Variants in KDM4C observed in about 807,000 individuals in gnomAD.
KDM4C encodes lysine demethylase 4C.
KDM4C carries 81 observed loss-of-function variants against 129.3 expected under a neutral mutation model. The ratio of observed to expected loss-of-function variants is 0.63; its 90% CI spans 0.52 to 0.75. The LOEUF (loss-of-function observed/expected upper bound fraction) is 0.75. KDM4C is among the 30% of genes least tolerant of loss of function. The probability of loss-of-function intolerance (pLI) is 0.00; values close to 1 mark genes in which losing one functional copy is unlikely to be tolerated. For synonymous variants in KDM4C, 573 were observed against 456.1 expected, an observed-to-expected ratio of 1.26 and a Z score of -3.26; for missense variants, 1,457 against 1,304.0, an observed-to-expected ratio of 1.12 and a Z score of -1.81.
chr9:7,111,006 A>G (rs886910169), intron 18 of KDM4C, among the ~76,000 whole-genome samples: 10 of 152,322 alleles, frequency 6.6e-5, no homozygotes, highest in African/African-American at 2.4e-4. Flanking sequence ...TGTAGGGACC[A>G]TGAAGCATCC....
At chr9:7,032,278 AC>A (rs1382290156) in intron 15 of KDM4C, among the ~76,000 whole-genome samples, 2 of 152,252 alleles carry the variant, frequency 1.3e-5, no homozygotes, top group Non-Finnish European at 1.5e-5. Flanking sequence ...TGTCCTGTCT[AC>A]AGCAAGAGTT....
At chr9:6,896,993 T>G (rs1221502941) in intron 8 of KDM4C, among the ~76,000 whole-genome samples, 9 of 152,230 alleles carry the variant, frequency 5.9e-5, no homozygotes, top group Non-Finnish European at 1.3e-4. Flanking sequence ...AAGATTTGGG[T>G]ACATTTGATT....
At chr9:6,953,033 T>C (rs989228400) in intron 8 of KDM4C, among the ~76,000 whole-genome samples, 4 of 152,240 alleles carry the variant, frequency 2.6e-5, no homozygotes, top group African/African-American at 9.6e-5. Flanking sequence ...TATGATAAAA[T>C]GTAATGCATT....
chr9:6,793,100 T>C lies in KDM4C; in HGVS notation c.112T>C (p.Ser38Pro). ...EFNKYLAYME[S>P]KGAHRAGLAK... ...CAACAAATACCTTGCATACATGGAG[T>C]CTAAAGGAGCCCATCGTGCGGGTCT... The change falls in exon 2 of 22, where the codon TCT (serine) becomes CCT (proline). Residue 38 changes from serine to proline, a missense_variant. Ser to Pro is a moderately conservative substitution (Grantham distance 74, BLOSUM62 -1). Coordinates refer to ENST00000381309, the MANE Select transcript of KDM4C (RefSeq NM_015061.6). The C allele has an allele frequency of 6.2e-7, 1 of 1,613,944 alleles. No homozygotes were observed. Among genetic ancestry groups the C allele is most frequent in the East Asian group, 2.2e-5 (1 of 44,878 alleles).
At chr9:6,875,632 C>T (rs1234694519) in intron 5 of KDM4C, among the ~76,000 whole-genome samples, 1 of 152,138 alleles carries the variant, frequency 6.6e-6, no homozygotes, top group East Asian at 1.9e-4. Context: ...CAGAGGTCTT[C>T]CCTTCTCTTT....
intron 1 of KDM4C, among the ~76,000 whole-genome samples, chr9:6,763,034 G>A (rs1053327596): frequency 6.7e-6 from 1 of 150,314 alleles, no homozygotes; most frequent in East Asian, 1.9e-4. Context: ...TTCCGCTGGT[G>A]GGGGGGGATG....
chr9:6,968,599 T>C (rs1831410279), intron 8 of KDM4C, among the ~76,000 whole-genome samples: 1 of 152,214 alleles, frequency 6.6e-6, no homozygotes, highest in African/African-American at 2.4e-5. Context: ...ATTCTGCCCT[T>C]CTGCGTTATA....
chr9:7,086,800 C>T (rs1346547519), intron 17 of KDM4C, among the ~76,000 whole-genome samples: 1 of 152,238 alleles, frequency 6.6e-6, no homozygotes, highest in Non-Finnish European at 1.5e-5. Flanking sequence ...CAGTTCTTTT[C>T]TATATCCCAA....
chr9:6,933,163 G>A (rs141609768), intron 8 of KDM4C, among the ~76,000 whole-genome samples: 372 of 152,286 alleles, frequency 2.4e-3, no homozygotes, highest in African/African-American at 8.4e-3. Context: ...AATTGAATCA[G>A]CTTTTCTATT....
chr9:7,101,186 C>T (rs1283913411), intron 17 of KDM4C, among the ~76,000 whole-genome samples: 1 of 152,150 alleles, frequency 6.6e-6, no homozygotes, highest in African/African-American at 2.4e-5. Flanking sequence ...TCATGTTATT[C>T]TAGTGCCAGG....
intron 1 of KDM4C, among the ~76,000 whole-genome samples, chr9:6,772,161 T>G (rs1588157014): frequency 6.6e-6 from 1 of 152,146 alleles, no homozygotes; most frequent in Non-Finnish European, 1.5e-5. Context: ...GTTTTTCTTT[T>G]TTTTTTGAGA....
chr9:6,958,320 C>T (rs576231860), intron 8 of KDM4C, among the ~76,000 whole-genome samples: 1 of 152,086 alleles, frequency 6.6e-6, no homozygotes, highest in Non-Finnish European at 1.5e-5. Flanking sequence ...TGCGGTGGCT[C>T]ACGCTTGTAA....
intron 11 of KDM4C, among the ~76,000 whole-genome samples, chr9:6,987,335 A>T (rs1419900807): frequency 2.6e-5 from 4 of 152,168 alleles, no homozygotes; most frequent in Non-Finnish European, 5.9e-5. Context: ...TTAGCTTCCC[A>T]TTGTGACTTT....
At chr9:7,132,549 G>C (rs1240917052) in intron 19 of KDM4C, among the ~76,000 whole-genome samples, 1 of 152,182 alleles carries the variant, frequency 6.6e-6, no homozygotes, top group Non-Finnish European at 1.5e-5. Flanking sequence ...GCAATCTGTA[G>C]CTGTCAAGGG....
At chr9:6,904,301 T>G (rs568911470) in intron 8 of KDM4C, among the ~76,000 whole-genome samples, 1 of 152,306 alleles carries the variant, frequency 6.6e-6, no homozygotes, top group South Asian at 2.1e-4. Flanking sequence ...TATCTATATA[T>G]GTCTTTCATT....
chr9:6,960,483 T>G (rs773117179), intron 8 of KDM4C, among the ~76,000 whole-genome samples: 2 of 151,858 alleles, frequency 1.3e-5, no homozygotes, highest in Non-Finnish European at 2.9e-5. Context: ...GGTCTAAAAC[T>G]CCTGGGCTCA....
At chr9:7,160,277 A>G (rs965513183) in intron 19 of KDM4C, among the ~76,000 whole-genome samples, 7 of 152,118 alleles carry the variant, frequency 4.6e-5, no homozygotes, top group South Asian at 2.1e-4. Context: ...GGGTTTGAAC[A>G]TGCCTCTTTA....
Position 7,128,244 on chromosome 9 carries a change from G to C in KDM4C, c.2781+8G>C, listed in dbSNP as rs897773802. 6 of 1,560,894 alleles carry C rather than the reference G, an allele frequency of 3.8e-6. No homozygotes were observed. The African/African-American group carries it at 8.3e-5, about 22-fold the overall frequency. ...TTTCCTGAGGATATCGTGGTAAGTAGGCTTCCTTGAGTGCCTGCTACCCAG... is the reference window on the plus strand; with the variant it reads ...TTTCCTGAGGATATCGTGGTAAGTACGCTTCCTTGAGTGCCTGCTACCCAG... On this transcript the variant is annotated splice_region_variant and intron_variant, in intron 19 of 21. Coordinates refer to ENST00000381309, the MANE Select transcript of KDM4C (RefSeq NM_015061.6).
intron 19 of KDM4C, among the ~76,000 whole-genome samples, chr9:7,148,129 C>A (rs891966394): frequency 6.6e-6 from 1 of 152,234 alleles, no homozygotes; most frequent in Non-Finnish European, 1.5e-5. Context: ...ACCAGATATA[C>A]GACAAGCAGC....
Sources: allele counts gnomAD v4.1 joint callset (sites outside exome capture counted in the v4.1 genomes callset), GRCh38; gene constraint gnomAD v4.1.1; transcripts MANE v1.5; gene names NCBI Gene and HGNC (gene_info 2026-07-23, HGNC 2026-07-21).